Variants in PRKCA observed in about 807,000 individuals in gnomAD.
PRKCA encodes the protein protein kinase C alpha type.
A neutral mutation model predicts 87.0 loss-of-function variants in PRKCA; 27 were observed. That is an observed-to-expected ratio of 0.31 (90% CI 0.23 to 0.43). The LOEUF is 0.43. PRKCA is among the 20% of genes least tolerant of loss of function. The pLI, the probability that PRKCA is intolerant of heterozygous loss-of-function variation, is 1.00. For missense variants in PRKCA, 518 were observed against 852.3 expected (o/e 0.61, Z 4.88); for synonymous variants, 329 against 311.1 (o/e 1.06, Z -0.61).
chr17:66,804,660 A>G lies in PRKCA; in HGVS notation c.*623A>G, dbSNP rs1339597517. The G allele has an allele frequency of 6.6e-6, 1 of 152,552 alleles. No homozygotes were observed. The highest frequency in any genetic ancestry group is 1.9e-4 in the East Asian group (1 of 5,200). The allele number at this position is 152,552 out of a possible 1,614,324, so 9.4% of individuals were successfully genotyped here. ...TCCAGCAGTTACCAGTTTAAACAAA[A>G]AAACCTCAGATGAGTGTTGGGTGAA... is the stretch of plus-strand genomic sequence containing the variant. On this transcript the variant is annotated 3_prime_UTR_variant, in exon 17 of 17. Coordinates refer to ENST00000413366, the MANE Select transcript of PRKCA (RefSeq NM_002737.3).
intron 3 of PRKCA, among the ~76,000 whole-genome samples, chr17:66,499,427 C>T (rs1916629397): frequency 1.3e-5 from 2 of 152,082 alleles, no homozygotes; most frequent in Admixed American, 6.5e-5. Flanking sequence ...GCTGAAACTG[C>T]GTATAAGTAG....
At chr17:66,747,505 C>A (rs1974321394) in intron 13 of PRKCA, among the ~76,000 whole-genome samples, 1 of 152,238 alleles carries the variant, frequency 6.6e-6, no homozygotes, top group African/African-American at 2.4e-5. Context: ...TCCCTGAGCA[C>A]TTCTGACTTG....
At position 66,628,312 on chromosome 17, in the gene PRKCA, A is replaced by G. The variant is rs556095112; in HGVS notation, c.289-13043A>G. ...AGATGCTCATGGTAGTGTTATTCAT[A>G]ACAGTGAAAAACAAAATCACCTGAA... On this transcript the variant is annotated intron_variant, in intron 3 of 16. Transcript: ENST00000413366. 3.3e-4 allele frequency among the ~76,000 whole-genome samples: 50 copies of G among 152,304 alleles called. 3 individuals are homozygous for G. In the South Asian group the frequency reaches 0.01, roughly 32 times the overall value.
At chr17:66,658,150 A>G (rs1971788814) in intron 5 of PRKCA, among the ~76,000 whole-genome samples, 1 of 152,164 alleles carries the variant, frequency 6.6e-6, no homozygotes, top group Non-Finnish European at 1.5e-5. Context: ...GAGAAGAAGA[A>G]TGAGAGCCCA....
intron 5 of PRKCA, among the ~76,000 whole-genome samples, chr17:66,656,097 T>C (rs1971727988): frequency 6.6e-6 from 1 of 152,172 alleles, no homozygotes; most frequent in Admixed American, 6.5e-5. Context: ...GCTTAGTCAC[T>C]AGATGTGCGT....
At position 66,688,429 on chromosome 17, in the gene PRKCA, A is replaced by T. The variant is rs1425686580; in HGVS notation, c.814A>T (p.Ser272Cys). The stretch of plus-strand genomic sequence containing the variant: ...TTCGGAGCTGATGAAGATGCCGGCC[A>T]GTGGATGGTATGGAAGCCGCTTAGG... Reference protein sequence around the residue: ...GVSELMKMPASGWYKLLNQEE... With the variant: ...GVSELMKMPACGWYKLLNQEE... Residue 272 changes from serine to cysteine, a missense_variant, in exon 7 of 17, where the codon AGT becomes TGT. This residue lies in a region of PRKCA where 300 missense variants were observed against 496.8 expected (regional missense o/e 0.60). Transcript: ENST00000413366. 4 of 1,614,158 alleles carry T rather than the reference A, an allele frequency of 2.5e-6. No individual in the cohort carries two copies. In the Middle Eastern group the frequency reaches 5.0e-4, roughly 200 times the overall value.
chr17:66,347,882 C>T (rs538223196), intron 2 of PRKCA, among the ~76,000 whole-genome samples: 47 of 147,638 alleles, frequency 3.2e-4, no homozygotes, highest in Middle Eastern at 3.5e-3. Flanking sequence ...AGACAGCCCT[C>T]ATCCCTGGAG....
At chr17:66,732,579 C>A in intron 8 of PRKCA, 109 bp from the exon 9 acceptor site, 1 of 1,359,460 alleles carries the variant, frequency 7.4e-7, no homozygotes, top group Non-Finnish European at 1.0e-6. Context: ...CTTTTCTCAC[C>A]CCATCCCACC....
intron 3 of PRKCA, among the ~76,000 whole-genome samples, chr17:66,532,843 CCTTT>C (rs1394632907): frequency 6.6e-6 from 1 of 152,166 alleles, no homozygotes; most frequent in Non-Finnish European, 1.5e-5. Flanking sequence ...GTACACAAGG[CCTTT>C]CTTCAGGGGT....
intron 16 of PRKCA, among the ~76,000 whole-genome samples, chr17:66,793,285 G>T (rs112730182): frequency 0.012 from 1,831 of 152,122 alleles, 19 homozygotes; most frequent in Middle Eastern, 0.034. Flanking sequence ...CAACAAACCC[G>T]AGTCATCAAA....
intron 2 of PRKCA, among the ~76,000 whole-genome samples, chr17:66,413,922 G>A (rs149362240): frequency 0.013 from 1,916 of 151,876 alleles, 46 homozygotes; most frequent in African/African-American, 0.044. Context: ...GCTGAGGCAG[G>A]AGAATCGCTT....
At chr17:66,698,467 A>G (rs1256798126) in intron 8 of PRKCA, among the ~76,000 whole-genome samples, 1 of 152,188 alleles carries the variant, frequency 6.6e-6, no homozygotes, top group Non-Finnish European at 1.5e-5. Context: ...AAAATTCAAT[A>G]GAGAGTGACA....
chr17:66,630,326 A>C (rs1038341377), intron 3 of PRKCA, among the ~76,000 whole-genome samples: 1 of 152,246 alleles, frequency 6.6e-6, no homozygotes, highest in Non-Finnish European at 1.5e-5. Context: ...AGAGAAAGAC[A>C]TACAGGAATA....
At chr17:66,680,093 G>A (rs1972449331) in intron 5 of PRKCA, among the ~76,000 whole-genome samples, 1 of 152,180 alleles carries the variant, frequency 6.6e-6, no homozygotes, top group Non-Finnish European at 1.5e-5. Flanking sequence ...TCCGTGGCCT[G>A]GTGTTGAATG....
chr17:66,746,252 A>G (rs1974282824), intron 13 of PRKCA, among the ~76,000 whole-genome samples: 2 of 136,240 alleles, frequency 1.5e-5, no homozygotes, highest in Admixed American at 8.7e-5. Flanking sequence ...TCCTGGGCTC[A>G]GGGGATCCTC....
At chr17:66,734,537 G>C (rs1973978206) in intron 9 of PRKCA, among the ~76,000 whole-genome samples, 2 of 152,138 alleles carry the variant, frequency 1.3e-5, no homozygotes, top group Non-Finnish European at 2.9e-5. Flanking sequence ...GTAGCCAGAG[G>C]TTATTCTCAT....
At chr17:66,794,124 T>C (rs1244043735) in intron 16 of PRKCA, among the ~76,000 whole-genome samples, 1 of 152,240 alleles carries the variant, frequency 6.6e-6, no homozygotes, top group Non-Finnish European at 1.5e-5. Flanking sequence ...GAGAAATTAA[T>C]CTATAATGTT....
At position 66,805,466 on chromosome 17, in the gene PRKCA, C is replaced by T. The variant is rs1976010411; in HGVS notation, c.*1429C>T. On this transcript the variant is annotated 3_prime_UTR_variant, in exon 17 of 17. Transcript: ENST00000413366. Reference sequence around the variant, plus strand: ...CTGAATCCCTTGCTTCTGTGCTTTCCCTCCCTGCACATGGGCACTGTATCA... The same window carrying T: ...CTGAATCCCTTGCTTCTGTGCTTTCTCTCCCTGCACATGGGCACTGTATCA... 6.6e-6 allele frequency: 1 copy of T among 152,274 alleles called. No individual in the cohort carries two copies. Among genetic ancestry groups the T allele is most frequent in the African/African-American group, 2.4e-5 (1 of 41,386 alleles). 9.4% of individuals were successfully genotyped at this position (152,274 alleles called of 1,614,324 possible).
intron 2 of PRKCA, among the ~76,000 whole-genome samples, chr17:66,473,035 A>G (rs1187200707): frequency 6.6e-6 from 1 of 152,252 alleles, no homozygotes; most frequent in East Asian, 1.9e-4. Flanking sequence ...AGGAGCTACC[A>G]TTATGGAGGA....
Sources: allele counts gnomAD v4.1 joint callset (sites outside exome capture counted in the v4.1 genomes callset), GRCh38; gene constraint gnomAD v4.1.1; regional missense constraint gnomAD v4.1.1; transcripts MANE v1.5; gene names NCBI Gene and HGNC (gene_info 2026-07-23, HGNC 2026-07-21).